Variants in NTRK2 observed in about 807,000 individuals in gnomAD.
The protein encoded by NTRK2 is BDNF/NT-3 growth factors receptor.
Under a neutral mutation model 94.5 loss-of-function variants are expected in NTRK2, and 13 were observed. The ratio of observed to expected loss-of-function variants is 0.14; its 90% CI spans 0.09 to 0.22. The LOEUF (loss-of-function observed/expected upper bound fraction) is 0.22, where lower values mean the gene tolerates loss of function less well. Among genes scored for constraint, NTRK2 ranks in the 10% least tolerant of loss-of-function variants. The probability of loss-of-function intolerance (pLI) is 1.00; values close to 1 mark genes in which losing one functional copy is unlikely to be tolerated. For synonymous variants in NTRK2, 372 were observed against 407.4 expected, an observed-to-expected ratio of 0.91 and a Z score of 1.05; for missense variants, 639 against 1,071.2, an observed-to-expected ratio of 0.60 and a Z score of 5.63.
chr9:84,744,931 A>G (rs1425524741), intron 10 of NTRK2, 42 bp from the exon 11 acceptor site: 7 of 1,385,544 alleles, frequency 5.1e-6, no homozygotes, highest in Non-Finnish European at 5.1e-6. Context: ...CAGCTTAATG[A>G]CAACTTCATG....
chr9:84,776,961 G>C (rs755128906), intron 12 of NTRK2, among the ~76,000 whole-genome samples: 2 of 152,194 alleles, frequency 1.3e-5, no homozygotes, highest in African/African-American at 2.4e-5. Context: ...AGAAGTGCTA[G>C]AGAGAACTGT....
chr9:84,720,848 G>A (rs1588152641), intron 6 of NTRK2, among the ~76,000 whole-genome samples: 1 of 151,908 alleles, frequency 6.6e-6, no homozygotes, highest in Non-Finnish European at 1.5e-5. Flanking sequence ...AATTGACAGA[G>A]GAATGAACAA....
chr9:84,843,106 C>T (rs566636951), intron 12 of NTRK2, among the ~76,000 whole-genome samples: 8 of 152,282 alleles, frequency 5.3e-5, no homozygotes, highest in East Asian at 3.9e-4. Flanking sequence ...GATGGTATTA[C>T]GGTGAGGAGC....
chr9:84,915,181 G>A (rs373908827), intron 14 of NTRK2, among the ~76,000 whole-genome samples: 70 of 152,236 alleles, frequency 4.6e-4, no homozygotes, highest in African/African-American at 9.4e-4. Context: ...CCTGCTGTGC[G>A]GCCCAGTTCC....
At chr9:84,682,035 G>A (rs989125581) in intron 2 of NTRK2, among the ~76,000 whole-genome samples, 1 of 152,110 alleles carries the variant, frequency 6.6e-6, no homozygotes, top group African/African-American at 2.4e-5. Context: ...ATGTTAAATG[G>A]CATTAAGCTA....
intron 17 of NTRK2, among the ~76,000 whole-genome samples, chr9:85,019,567 A>G (rs1832602499): frequency 6.6e-6 from 1 of 152,228 alleles, no homozygotes; most frequent in Admixed American, 6.5e-5. Flanking sequence ...GTATTTATCT[A>G]TTGTGGTAAA....
At chr9:84,677,923 A>G (rs2059159362) in intron 2 of NTRK2, among the ~76,000 whole-genome samples, 1 of 152,220 alleles carries the variant, frequency 6.6e-6, no homozygotes, top group African/African-American at 2.4e-5. Flanking sequence ...TGTACAAAAT[A>G]AAACTGTTAA....
At chr9:84,741,377 C>T (rs756355744) in intron 9 of NTRK2, among the ~76,000 whole-genome samples, 7 of 152,134 alleles carry the variant, frequency 4.6e-5, no homozygotes, top group Non-Finnish European at 1.0e-4. Context: ...CCTAGAAACT[C>T]CCCTGAAGAT....
At chr9:84,894,841 A>G (rs766407926) in intron 14 of NTRK2, among the ~76,000 whole-genome samples, 2 of 152,222 alleles carry the variant, frequency 1.3e-5, no homozygotes, top group Non-Finnish European at 1.5e-5. Flanking sequence ...TTTTCCTCTA[A>G]TTAGCTACAG....
intron 9 of NTRK2, among the ~76,000 whole-genome samples, chr9:84,732,211 T>C (rs1431769924): frequency 6.6e-6 from 1 of 152,236 alleles, no homozygotes; most frequent in East Asian, 1.9e-4. Flanking sequence ...ATGTTACTTT[T>C]GTTTTCCATC....
intron 17 of NTRK2, among the ~76,000 whole-genome samples, chr9:84,968,718 G>A (rs371612735): frequency 2.0e-5 from 3 of 152,090 alleles, no homozygotes; most frequent in Admixed American, 1.3e-4. Flanking sequence ...TAAAGAAGTC[G>A]GCTCTGTCTG....
intron 12 of NTRK2, among the ~76,000 whole-genome samples, chr9:84,860,454 C>T (rs558558253): frequency 1.3e-5 from 2 of 152,126 alleles, no homozygotes; most frequent in Non-Finnish European, 2.9e-5. Flanking sequence ...GAATTAAGAT[C>T]TTTTTTTCCC....
chr9:84,767,140 T>C (rs2066112364), intron 12 of NTRK2, among the ~76,000 whole-genome samples: 1 of 152,176 alleles, frequency 6.6e-6, no homozygotes, highest in Admixed American at 6.5e-5. Flanking sequence ...TCTAATCTAC[T>C]CTAAGGCCTG....
intron 12 of NTRK2, among the ~76,000 whole-genome samples, chr9:84,781,305 C>G (rs2067539250): frequency 2.0e-5 from 3 of 152,078 alleles, no homozygotes; most frequent in Admixed American, 2.0e-4. Flanking sequence ...AACTGAACAC[C>G]ACCTCTAAAA....
chr9:84,734,648 T>G (rs943892509), intron 9 of NTRK2, among the ~76,000 whole-genome samples: 8 of 152,166 alleles, frequency 5.3e-5, no homozygotes, highest in Non-Finnish European at 1.2e-4. Context: ...ATAAGTCTTA[T>G]GAGATCTGAT....
chr9:84,727,980 T>A, intron 9 of NTRK2, 21 bp downstream of exon 9: 1 of 1,607,528 alleles, frequency 6.2e-7, no homozygotes. Context: ...GACACTTTTG[T>A]ATGTGGGGAG....
At chr9:84,919,465 T>A (rs986169877) in intron 14 of NTRK2, among the ~76,000 whole-genome samples, 1 of 152,184 alleles carries the variant, frequency 6.6e-6, no homozygotes, top group African/African-American at 2.4e-5. Flanking sequence ...AAAGGCCAAG[T>A]TTAAGGCCTG....
chr9:84,781,572 C>A (rs973488729), intron 12 of NTRK2, among the ~76,000 whole-genome samples: 1 of 152,104 alleles, frequency 6.6e-6, no homozygotes, highest in Non-Finnish European at 1.5e-5. Flanking sequence ...GTATAACATT[C>A]TTAACTTTGC....
At chr9:84,897,914 G>A (rs998240350) in intron 14 of NTRK2, among the ~76,000 whole-genome samples, 16 of 152,280 alleles carry the variant, frequency 1.1e-4, no homozygotes, top group Middle Eastern at 3.4e-3. Context: ...TCTTGTCTTC[G>A]TAGCCATGGC....
Sources: allele counts gnomAD v4.1 joint callset (sites outside exome capture counted in the v4.1 genomes callset), GRCh38; gene constraint gnomAD v4.1.1; transcripts MANE v1.5; gene names NCBI Gene and HGNC (gene_info 2026-07-23, HGNC 2026-07-21).